RPL22: variants seen among roughly 807,000 people sequenced by gnomAD.
The protein encoded by RPL22 is ribosomal protein L22.
In RPL22, 4 loss-of-function variants were observed where a neutral mutation model predicts 16.2. That is an observed-to-expected ratio of 0.25 (90% CI 0.12 to 0.57). The LOEUF (loss-of-function observed/expected upper bound fraction) is 0.57. RPL22 is among the 20% of genes least tolerant of loss of function. The pLI is 0.92. For missense variants in RPL22, 83 were observed against 156.1 expected, an observed-to-expected ratio of 0.53 and a Z score of 2.49; for synonymous variants, 43 against 54.8, an observed-to-expected ratio of 0.78 and a Z score of 0.95.
At chr1:6,188,016 G>A (rs527829507) in intron 3 of RPL22, among the ~76,000 whole-genome samples, 62 of 150,408 alleles carry the variant, frequency 4.1e-4, no homozygotes, top group African/African-American at 1.6e-3. Flanking sequence ...CTTTAGCCAG[G>A]TGAGAGCTAA....
intron 3 of RPL22, among the ~76,000 whole-genome samples, chr1:6,189,489 A>G (rs1165704610): frequency 2.0e-5 from 3 of 151,294 alleles, no homozygotes; most frequent in African/African-American, 7.3e-5. Flanking sequence ...GAGCCAGGAG[A>G]TGGAGGCTAG....
At chr1:6,195,346 G>A (rs1557574892) in intron 2 of RPL22, among the ~76,000 whole-genome samples, 1 of 151,602 alleles carries the variant, frequency 6.6e-6, no homozygotes, top group Non-Finnish European at 1.5e-5. Context: ...TCGGGAGGCT[G>A]AGGCAGGAGA....
chr1:6,197,468 A>G (rs907527048), intron 2 of RPL22, among the ~76,000 whole-genome samples, 184 bp downstream of exon 2: 2 of 152,196 alleles, frequency 1.3e-5, no homozygotes, highest in Non-Finnish European at 2.9e-5. Flanking sequence ...ACTGTTGCAC[A>G]CACAAGAAGA....
chr1:6,195,132 G>A (rs754679192), intron 2 of RPL22, among the ~76,000 whole-genome samples: 14 of 150,704 alleles, frequency 9.3e-5, no homozygotes, highest in South Asian at 4.2e-4. Flanking sequence ...GCAAGACTCC[G>A]TCTCAAAATA....
intron 2 of RPL22, among the ~76,000 whole-genome samples, chr1:6,196,869 C>T (rs537153352): frequency 3.8e-4 from 58 of 152,198 alleles, no homozygotes; most frequent in African/African-American, 1.4e-3. Context: ...AGAAAAGCTT[C>T]GGGAACTGCT....
intron 3 of RPL22, among the ~76,000 whole-genome samples, chr1:6,189,275 A>G (rs538560890): frequency 6.6e-6 from 1 of 151,088 alleles, no homozygotes; most frequent in Non-Finnish European, 1.5e-5. Flanking sequence ...ATCTCAATTC[A>G]ACTGTCCACT....
Position 6,197,593 on chromosome 1 carries a change from T to C in RPL22, c.117+59A>G, listed in dbSNP as rs1164631328. On this transcript the variant is annotated intron_variant, in intron 2 of 3. Coordinates refer to ENST00000234875, the MANE Select transcript of RPL22 (RefSeq NM_000983.4). ...AACAGAAATGTACCCCAGTAGGTTT[T>C]CTCAACAGTATCTCAAAATGTTCGT... 5 of 1,150,534 alleles carry C rather than the reference T, an allele frequency of 4.3e-6. No individual in the cohort carries two copies. The South Asian group carries it at 5.0e-5, about 12-fold the overall frequency. The allele number at this position is 1,150,534 out of a possible 1,614,324, so 71.3% of individuals were successfully genotyped here.
At chr1:6,191,388 C>A (rs1667648614) in intron 3 of RPL22, among the ~76,000 whole-genome samples, 1 of 136,510 alleles carries the variant, frequency 7.3e-6, no homozygotes, top group Non-Finnish European at 1.5e-5. Flanking sequence ...AAAAAAGAGG[C>A]CGGGCGCAGT....
chr1:6,186,659 A>G lies in RPL22; in HGVS notation c.*13T>C, dbSNP rs1269376762. On this transcript the variant is annotated 3_prime_UTR_variant, in exon 4 of 4. Coordinates refer to ENST00000234875, the MANE Select transcript of RPL22 (RefSeq NM_000983.4). ...TTCAAGAACTCATACAAAATTTTCC[A>G]GATAAATGAAATTTAATCCTCGTCT... is the stretch of plus-strand genomic sequence containing the variant. 1 of 1,505,992 alleles carries G rather than the reference A, an allele frequency of 6.6e-7. No homozygotes were observed. The highest frequency in any genetic ancestry group is 1.4e-5 in the African/African-American group (1 of 69,214). The allele number at this position is 1,505,992 out of a possible 1,614,324, so 93.3% of individuals were successfully genotyped here.
intron 2 of RPL22, among the ~76,000 whole-genome samples, 198 bp downstream of exon 2, chr1:6,197,454 C>T (rs1205061890): frequency 6.6e-6 from 1 of 152,190 alleles, no homozygotes; most frequent in Non-Finnish European, 1.5e-5. Context: ...TTTTACTCCT[C>T]ACAACTGTTG....
chr1:6,197,354 A>T (rs1448575006), intron 2 of RPL22, among the ~76,000 whole-genome samples: 1 of 152,156 alleles, frequency 6.6e-6, no homozygotes, highest in African/African-American at 2.4e-5. Context: ...TTTTAAGTAA[A>T]ATCATTTGTG....
chr1:6,194,143 T>C (rs941053315), intron 2 of RPL22, among the ~76,000 whole-genome samples: 31 of 150,926 alleles, frequency 2.1e-4, no homozygotes, highest in African/African-American at 7.3e-4. Context: ...GAGGCGGAGG[T>C]TGCAGTGAGC....
intron 2 of RPL22, among the ~76,000 whole-genome samples, chr1:6,193,887 A>G (rs568797504): frequency 6.6e-6 from 1 of 152,328 alleles, no homozygotes; most frequent in African/African-American, 2.4e-5. Flanking sequence ...CTCGCCACGA[A>G]AGGCTTAGAA....
At position 6,197,766 on chromosome 1, in the gene RPL22, T is replaced by C. The variant is rs2294714; in HGVS notation, c.13-10A>G. On this transcript the variant is annotated splice_polypyrimidine_tract_variant and intron_variant, in intron 1 of 3. Transcript: ENST00000234875. The stretch of plus-strand genomic sequence containing the variant: ...TCACCACAAGCTTTTTCTAAGAAAA[T>C]ACACAAATGATAACAGAGATGAAGT... 0.29 allele frequency: 445,634 copies of C among 1,563,072 alleles called. 65,572 individuals are homozygous for C. Among genetic ancestry groups the C allele is most frequent in the East Asian group, 0.44 (19,599 of 44,702 alleles).
intron 1 of RPL22, chr1:6,197,973 G>A: frequency 3.5e-6 from 2 of 578,376 alleles, no homozygotes; most frequent in Non-Finnish European, 3.1e-6. Context: ...CTGGGGTCAT[G>A]CCCTTTTGAT....
intron 3 of RPL22, among the ~76,000 whole-genome samples, chr1:6,188,056 ACT>A (rs1396113596): frequency 6.6e-6 from 1 of 150,624 alleles, no homozygotes; most frequent in African/African-American, 2.4e-5. Context: ...TCATTTAAAA[ACT>A]CTTTTATTTA....
At chr1:6,190,654 A>G (rs1667638217) in intron 3 of RPL22, among the ~76,000 whole-genome samples, 1 of 152,068 alleles carries the variant, frequency 6.6e-6, no homozygotes, top group Non-Finnish European at 1.5e-5. Flanking sequence ...GCTGGGATTT[A>G]GTATGATTAA....
chr1:6,197,584 A>C (rs1667736539), intron 2 of RPL22, 68 bp downstream of exon 2: 1 of 996,942 alleles, frequency 1.0e-6, no homozygotes, highest in Non-Finnish European at 1.6e-6. Context: ...AATGTACCCC[A>C]GTAGGTTTTC....
chr1:6,193,138 T>C (rs970596134), intron 2 of RPL22, 84 bp from the exon 3 acceptor site: 5 of 1,511,420 alleles, frequency 3.3e-6, no homozygotes, highest in African/African-American at 1.4e-5. Context: ...AACACTGAAC[T>C]AATATCATTT....
Sources: gnomAD v4.1 joint callset for allele counts (sites outside exome capture counted in the v4.1 genomes callset) on GRCh38, gnomAD v4.1.1 for gene constraint, MANE v1.5 for transcripts, NCBI Gene and HGNC (gene_info 2026-07-23, HGNC 2026-07-21) for gene names.